CERS6: variants seen among roughly 807,000 people sequenced by gnomAD.
CERS6 encodes the protein LAG1 homolog, ceramide synthase 6.
In CERS6, 26 loss-of-function variants were observed where a neutral mutation model predicts 56.8. That is an observed-to-expected ratio of 0.46 (90% confidence interval 0.34 to 0.63). The LOEUF (loss-of-function observed/expected upper bound fraction) is 0.63, where lower values mean the gene tolerates loss of function less well. Among genes scored for constraint, CERS6 ranks in the 30% least tolerant of loss-of-function variants. The probability of loss-of-function intolerance (pLI) is 0.01; values close to 1 mark genes in which losing one functional copy is unlikely to be tolerated. For synonymous variants in CERS6, 164 were observed against 173.3 expected (o/e 0.95, Z 0.42); for missense variants, 415 against 467.5 (o/e 0.89, Z 1.04).
At chr2:168,517,010 A>C (rs1694895057) in intron 1 of CERS6, among the ~76,000 whole-genome samples, 1 of 152,050 alleles carries the variant, frequency 6.6e-6, no homozygotes, top group South Asian at 2.1e-4. Context: ...ATAATGAGCC[A>C]AATGTTTAAT....
intron 2 of CERS6, among the ~76,000 whole-genome samples, chr2:168,559,380 T>G (rs1695743319): frequency 6.6e-6 from 1 of 152,092 alleles, no homozygotes; most frequent in African/African-American, 2.4e-5. Flanking sequence ...AAATATTTAT[T>G]TCTCACAGTT....
chr2:168,697,227 G>C (rs1304785409), intron 6 of CERS6, among the ~76,000 whole-genome samples: 1 of 152,134 alleles, frequency 6.6e-6, no homozygotes, highest in African/African-American at 2.4e-5. Context: ...AGAAGTAGGT[G>C]GTCCCTGTCA....
intron 1 of CERS6, among the ~76,000 whole-genome samples, chr2:168,462,698 G>A (rs938089399): frequency 6.6e-6 from 1 of 152,062 alleles, no homozygotes; most frequent in Admixed American, 6.6e-5. Context: ...CACCATGCCT[G>A]GCTAATTTTT....
At chr2:168,733,191 T>G (rs1032793060) in intron 8 of CERS6, among the ~76,000 whole-genome samples, 3 of 152,232 alleles carry the variant, frequency 2.0e-5, no homozygotes, top group African/African-American at 7.2e-5. Flanking sequence ...CAAAACAGCT[T>G]CATTGCATTT....
intron 4 of CERS6, among the ~76,000 whole-genome samples, chr2:168,635,915 G>A (rs1018289796): frequency 3.3e-5 from 5 of 152,010 alleles, no homozygotes; most frequent in African/African-American, 1.2e-4. Flanking sequence ...TGCTTAGTTC[G>A]GAATCTTTCT....
At chr2:168,472,999 A>G (rs1459203491) in intron 1 of CERS6, among the ~76,000 whole-genome samples, 1 of 152,184 alleles carries the variant, frequency 6.6e-6, no homozygotes, top group Non-Finnish European at 1.5e-5. Flanking sequence ...CATTTGAAAC[A>G]TTATGCTCAC....
intron 3 of CERS6, among the ~76,000 whole-genome samples, chr2:168,581,401 G>A (rs550799371): frequency 1.3e-5 from 2 of 151,942 alleles, no homozygotes; most frequent in African/African-American, 4.8e-5. Flanking sequence ...CACTATTTTC[G>A]TTTTCTGTAA....
At chr2:168,760,521 C>T (rs930258820) in intron 8 of CERS6, among the ~76,000 whole-genome samples, 2 of 152,114 alleles carry the variant, frequency 1.3e-5, no homozygotes, top group African/African-American at 4.8e-5. Flanking sequence ...TCCTTCAATC[C>T]AATCAAGTTG....
At chr2:168,501,343 G>C (rs1487500678) in intron 1 of CERS6, among the ~76,000 whole-genome samples, 1 of 152,226 alleles carries the variant, frequency 6.6e-6, no homozygotes, top group African/African-American at 2.4e-5. Context: ...CAGTGGGGCT[G>C]GAGGGAGTCT....
intron 9 of CERS6, among the ~76,000 whole-genome samples, chr2:168,769,030 T>G (rs951794314): frequency 4.0e-5 from 6 of 151,288 alleles, no homozygotes; most frequent in Non-Finnish European, 8.9e-5. Context: ...CATAAAACAA[T>G]GCATGAAAAA....
At chr2:168,628,951 T>G (rs538589944) in intron 3 of CERS6, among the ~76,000 whole-genome samples, 1 of 151,848 alleles carries the variant, frequency 6.6e-6, no homozygotes, top group Non-Finnish European at 1.5e-5. Flanking sequence ...AGGGACTATA[T>G]CAGGGACTGG....
intron 3 of CERS6, among the ~76,000 whole-genome samples, chr2:168,605,463 G>A (rs559352207): frequency 1.3e-5 from 2 of 152,306 alleles, no homozygotes; most frequent in South Asian, 4.1e-4. Context: ...CCATGTGGTA[G>A]AAAAGAAAAG....
intron 8 of CERS6, among the ~76,000 whole-genome samples, chr2:168,741,552 A>G (rs867504441): frequency 6.6e-6 from 1 of 152,160 alleles, no homozygotes; most frequent in African/African-American, 2.4e-5. Flanking sequence ...ATGTTTTAAG[A>G]AAGTTTATGA....
At chr2:168,726,270 C>A (rs759962713) in intron 8 of CERS6, among the ~76,000 whole-genome samples, 1 of 152,144 alleles carries the variant, frequency 6.6e-6, no homozygotes, top group Non-Finnish European at 1.5e-5. Flanking sequence ...GGACTCTGGT[C>A]TCCTAATATC....
At chr2:168,481,190 C>T (rs988477380) in intron 1 of CERS6, among the ~76,000 whole-genome samples, 9 of 152,082 alleles carry the variant, frequency 5.9e-5, no homozygotes, top group African/African-American at 2.2e-4. Flanking sequence ...CTGAGGTGGG[C>T]GGATCATGAA....
At chr2:168,540,643 A>C (rs989709747) in intron 1 of CERS6, among the ~76,000 whole-genome samples, 4 of 152,246 alleles carry the variant, frequency 2.6e-5, no homozygotes, top group African/African-American at 9.6e-5. Flanking sequence ...CTCAGAATGT[A>C]TCCCTATTGT....
chr2:168,553,897 A>G (rs1010650505), intron 2 of CERS6, among the ~76,000 whole-genome samples: 2 of 152,310 alleles, frequency 1.3e-5, no homozygotes, highest in Admixed American at 6.5e-5. Context: ...TGATTGCATG[A>G]TCTCTAAGAG....
At chr2:168,752,545 G>A (rs1011326501) in intron 8 of CERS6, among the ~76,000 whole-genome samples, 2 of 152,188 alleles carry the variant, frequency 1.3e-5, no homozygotes, top group African/African-American at 4.8e-5. Context: ...GCCAGTCCTT[G>A]TGTATTCATA....
chr2:168,773,776 G>C lies in CERS6; in HGVS notation c.*4114G>C, dbSNP rs1352897543. ...TTGTCAAAGTACCCCGTAGTGATGAGCACTGACTGGTTCACTGGCCACATT... is the reference window on the plus strand; with the variant it reads ...TTGTCAAAGTACCCCGTAGTGATGACCACTGACTGGTTCACTGGCCACATT... On this transcript the variant is annotated 3_prime_UTR_variant, in exon 10 of 10. Transcript: ENST00000305747. The C allele has an allele frequency of 6.6e-6, 1 of 152,342 alleles. No homozygotes were observed. The highest frequency in any genetic ancestry group is 2.1e-4 in the South Asian group (1 of 4,824). The allele number at this position is 152,342 out of a possible 1,614,324, so 9.4% of individuals were successfully genotyped here.
Sources: gnomAD v4.1 joint callset for allele counts (sites outside exome capture counted in the v4.1 genomes callset) on GRCh38, gnomAD v4.1.1 for gene constraint, MANE v1.5 for transcripts, NCBI Gene and HGNC (gene_info 2026-07-23, HGNC 2026-07-21) for gene names.